Variants in IKZF2 observed in about 807,000 individuals in gnomAD.
IKZF2 encodes IKAROS family zinc finger 2, also known as zinc finger protein Helios.
Under a neutral mutation model 49.2 loss-of-function variants are expected in IKZF2, and 15 were observed. The ratio of observed to expected loss-of-function variants is 0.30; its 90% CI spans 0.20 to 0.47. IKZF2 has a LOEUF of 0.47. Ranked by LOEUF, IKZF2 falls within the 20% of genes least tolerant of loss-of-function variation. The pLI is 1.00. For synonymous variants in IKZF2, 227 were observed against 221.4 expected, an observed-to-expected ratio of 1.03 and a Z score of -0.23; for missense variants, 567 against 664.6, an observed-to-expected ratio of 0.85 and a Z score of 1.61.
chr2:213,051,710 G>A (rs949571957), intron 5 of IKZF2, among the ~76,000 whole-genome samples: 4 of 151,746 alleles, frequency 2.6e-5, no homozygotes, highest in Non-Finnish European at 4.4e-5. Context: ...AAGGAAAGAT[G>A]GAGGCACTTC....
In IKZF2 at chr2:213,146,762, G is replaced by GGGA. The variant is rs979527484; in HGVS notation, c.139+945_139+946insTCC. On this transcript the variant is annotated intron_variant, in intron 4 of 8. Coordinates refer to ENST00000434687, the MANE Select transcript of IKZF2 (RefSeq NM_001387220.1). ...CTTTTCTTAGTTATTAAATCTTCGG[G>GGGA]GGGGGGGAAGGAAAGAGAATGCCTT... Among the ~76,000 whole-genome samples, 5 of 134,354 alleles carry GGGA rather than the reference G, an allele frequency of 3.7e-5. 1 individual carries two copies. The highest frequency in any genetic ancestry group is 1.3e-4 in the African/African-American group (5 of 37,464). 88.1% of individuals were successfully genotyped at this position (134,354 alleles called of 152,430 possible).
At chr2:213,104,128 C>T (rs1360479328) in intron 4 of IKZF2, among the ~76,000 whole-genome samples, 1 of 152,036 alleles carries the variant, frequency 6.6e-6, no homozygotes, top group Non-Finnish European at 1.5e-5. Context: ...ACTTGCAAAA[C>T]ACATTAATAG....
intron 6 of IKZF2, among the ~76,000 whole-genome samples, chr2:213,037,855 G>A (rs1328056057): frequency 6.6e-6 from 1 of 152,026 alleles, no homozygotes; most frequent in Non-Finnish European, 1.5e-5. Flanking sequence ...CCAGAAAGTG[G>A]GCCAGGTGCC....
At chr2:213,059,179 T>C (rs1394823389) in intron 4 of IKZF2, among the ~76,000 whole-genome samples, 2 of 151,818 alleles carry the variant, frequency 1.3e-5, no homozygotes, top group Admixed American at 1.3e-4. Context: ...CAGAATTATT[T>C]ATCAAAGTTG....
At chr2:213,045,187 A>G (rs1700038025) in intron 6 of IKZF2, among the ~76,000 whole-genome samples, 1 of 152,170 alleles carries the variant, frequency 6.6e-6, no homozygotes, top group Non-Finnish European at 1.5e-5. Context: ...GAAAACTGAA[A>G]GATGTTAGGG....
intron 6 of IKZF2, among the ~76,000 whole-genome samples, chr2:213,023,346 C>T (rs1697435943): frequency 6.6e-6 from 1 of 152,128 alleles, no homozygotes; most frequent in South Asian, 2.1e-4. Flanking sequence ...CTACACCAAA[C>T]CTTTAGATTG....
At chr2:213,017,991 G>A (rs58717082) in intron 7 of IKZF2, among the ~76,000 whole-genome samples, 33,645 of 151,986 alleles carry the variant, frequency 0.22, 4,107 homozygotes, top group Non-Finnish European at 0.26. Context: ...GTTTGGGGGT[G>A]CCCAATAATG....
intron 7 of IKZF2, chr2:213,021,525 G>A (rs564232409): frequency 6.1e-4 from 168 of 276,800 alleles, no homozygotes; most frequent in South Asian, 5.4e-3. Flanking sequence ...TGTGGAGAGA[G>A]ATGGTGTCTA....
chr2:213,055,312 A>C (rs1015337412), intron 5 of IKZF2, among the ~76,000 whole-genome samples: 14 of 152,108 alleles, frequency 9.2e-5, no homozygotes, highest in African/African-American at 3.1e-4. Context: ...AAAGTAGATT[A>C]TTTTATAGTC....
At chr2:213,037,558 T>C (rs1032241572) in intron 6 of IKZF2, among the ~76,000 whole-genome samples, 2 of 152,178 alleles carry the variant, frequency 1.3e-5, no homozygotes, top group Admixed American at 1.3e-4. Flanking sequence ...GCTTTTACCT[T>C]CTAGGTAAAT....
At chr2:213,136,759 C>G (rs1031726050) in intron 4 of IKZF2, among the ~76,000 whole-genome samples, 1 of 151,908 alleles carries the variant, frequency 6.6e-6, no homozygotes, top group African/African-American at 2.4e-5. Context: ...TATAAAACAC[C>G]CTGTTTACCC....
chr2:213,041,341 G>A (rs1331520482), intron 6 of IKZF2, among the ~76,000 whole-genome samples: 1 of 150,386 alleles, frequency 6.6e-6, no homozygotes, highest in South Asian at 2.1e-4. Flanking sequence ...TCTTTTTTTG[G>A]GGGGGGTGGG....
At chr2:213,110,324 A>T (rs1322067749) in intron 4 of IKZF2, among the ~76,000 whole-genome samples, 1 of 151,698 alleles carries the variant, frequency 6.6e-6, no homozygotes, top group Admixed American at 6.6e-5. Flanking sequence ...CCCTCTATCT[A>T]TACACTCCCA....
intron 4 of IKZF2, among the ~76,000 whole-genome samples, chr2:213,114,893 C>T (rs1456422912): frequency 6.7e-6 from 1 of 150,124 alleles, no homozygotes; most frequent in African/African-American, 2.5e-5. Context: ...GGTGCCACTG[C>T]ACTCCAGCCT....
chr2:213,143,281 G>T lies in IKZF2; in HGVS notation c.139+4427C>A, dbSNP rs151155998. On this transcript the variant is annotated intron_variant, in intron 4 of 8. Transcript: ENST00000434687. ...ACTTCTAGTGGGAAAGACAGATTTT[G>T]AACAAAGATAGAGATGATAAGGATA... is the stretch of plus-strand genomic sequence containing the variant. Among the ~76,000 whole-genome samples, 80 of 152,008 alleles carry T rather than the reference G, an allele frequency of 5.3e-4. No homozygotes were observed. The East Asian group carries it at 0.014, about 27-fold the overall frequency.
chr2:213,027,695 CATTTTCTCTTAACATTTTGA>C (rs1439670870), intron 6 of IKZF2, among the ~76,000 whole-genome samples: 3 of 152,114 alleles, frequency 2.0e-5, no homozygotes, highest in African/African-American at 7.2e-5. Flanking sequence ...GGTTGAAACT[CATTTTCTCTTAACATTTTGA>C]AGCCTTTTTT....
chr2:213,146,759 CG>C (rs57884895), intron 4 of IKZF2, among the ~76,000 whole-genome samples: 4 of 87,168 alleles, frequency 4.6e-5, no homozygotes, highest in Non-Finnish European at 5.2e-5. Context: ...ATTAAATCTT[CG>C]GGGGGGGGGA....
intron 4 of IKZF2, among the ~76,000 whole-genome samples, chr2:213,060,323 T>C (rs1306384377): frequency 3.3e-5 from 5 of 151,288 alleles, no homozygotes; most frequent in Admixed American, 6.6e-5. Context: ...TTATAACTTA[T>C]ATATATATAA....
At chr2:213,064,362 A>T (rs9288464) in intron 4 of IKZF2, among the ~76,000 whole-genome samples, 1 of 151,738 alleles carries the variant, frequency 6.6e-6, no homozygotes, top group African/African-American at 2.4e-5. Context: ...TTTTATCTAC[A>T]TTTAAACAGA....
Sources: gnomAD v4.1 joint callset for allele counts (sites outside exome capture counted in the v4.1 genomes callset) on GRCh38, gnomAD v4.1.1 for gene constraint, MANE v1.5 for transcripts, NCBI Gene and HGNC (gene_info 2026-07-23, HGNC 2026-07-21) for gene names.